Variants in ZNF257 observed in about 807,000 individuals in gnomAD.
The protein encoded by ZNF257 is zinc finger protein 257, also known as bone marrow zinc finger 4.
ZNF257 carries 12 observed loss-of-function variants against 11.9 expected under a neutral mutation model. That is an observed-to-expected ratio of 1.01 (90% CI 0.65 to 1.63). The LOEUF is 1.63. Ranked by LOEUF, ZNF257 falls within the 40% of genes most tolerant of loss-of-function variation. The pLI is 0.00. For synonymous variants in ZNF257, 183 were observed against 222.7 expected, an observed-to-expected ratio of 0.82 and a Z score of 1.59; for missense variants, 580 against 665.5, an observed-to-expected ratio of 0.87 and a Z score of 1.41.
intron 1 of ZNF257, among the ~76,000 whole-genome samples, chr19:22,057,395 G>A (rs938303605): frequency 2.6e-5 from 4 of 152,126 alleles, no homozygotes; most frequent in Non-Finnish European, 5.9e-5. Flanking sequence ...TCTTTCTGGG[G>A]AGCCGCCCCT....
At chr19:22,085,435 G>T (rs372624916) in intron 3 of ZNF257, among the ~76,000 whole-genome samples, 1 of 151,998 alleles carries the variant, frequency 6.6e-6, no homozygotes, top group Non-Finnish European at 1.5e-5. Flanking sequence ...CTATCAAAAA[G>T]ATTGTATGAG....
chr19:22,065,379 T>C (rs2021916681), intron 1 of ZNF257, among the ~76,000 whole-genome samples: 1 of 151,994 alleles, frequency 6.6e-6, no homozygotes, highest in Non-Finnish European at 1.5e-5. Flanking sequence ...TTTGTATTTT[T>C]AGTAGAGATG....
At chr19:22,072,062 A>G (rs2022116114) in intron 1 of ZNF257, among the ~76,000 whole-genome samples, 2 of 152,156 alleles carry the variant, frequency 1.3e-5, no homozygotes, top group South Asian at 2.1e-4. Context: ...ATGGTTCTTT[A>G]TGGTTGAATT....
chr19:22,087,020 C>T (rs138839264), intron 3 of ZNF257, among the ~76,000 whole-genome samples: 2,735 of 151,624 alleles, frequency 0.018, 83 homozygotes, highest in African/African-American at 0.062. Context: ...TTTTAAAATG[C>T]TTTTAATATT....
At position 22,073,705 on chromosome 19, in the gene ZNF257, T is replaced by C. The variant is rs1599667790; in HGVS notation, c.226+141T>C. On this transcript the variant is annotated intron_variant, in intron 3 of 3. Coordinates refer to ENST00000594947, the MANE Select transcript of ZNF257 (RefSeq NM_033468.4). The stretch of plus-strand genomic sequence containing the variant: ...TCTGGAAGCCTGAGTTTGCATTTTT[T>C]TTTTCTTTGCTCTCACATAGGGACA... The C allele has an allele frequency of 8.6e-6, 10 of 1,164,670 alleles. No homozygotes were observed. In the East Asian group the frequency reaches 2.2e-4, roughly 26 times the overall value. 72.1% of individuals were successfully genotyped at this position (1,164,670 alleles called of 1,614,324 possible).
chr19:22,091,460 CAAAAAAAA>C lies in ZNF257; in HGVS notation c.*2031_*2038del, dbSNP rs573828270. 4 of 93,010 alleles carry C rather than the reference CAAAAAAAA, an allele frequency of 4.3e-5. No homozygotes were observed. The highest frequency in any genetic ancestry group is 1.7e-4 in the African/African-American group (4 of 23,620). The allele number at this position is 93,010 out of a possible 1,614,324, so 5.8% of individuals were successfully genotyped here. ...AGGCAACAAGAGCAAGACTTCGTCT[CAAAAAAAA>C]AAAAAAAAAAAAGACTTGTGCATTC... On this transcript the variant is annotated 3_prime_UTR_variant, in exon 4 of 4. Transcript: ENST00000594947.
In ZNF257 at chr19:22,089,783, A is replaced by G; in HGVS notation, c.*341A>G. 3.1e-6 allele frequency: 1 copy of G among 322,492 alleles called. No individual in the cohort carries two copies. Among genetic ancestry groups the G allele is most frequent in the Non-Finnish European group, 5.8e-6 (1 of 171,800 alleles). The allele number at this position is 322,492 out of a possible 1,614,324, so 20.0% of individuals were successfully genotyped here. ...ATAATTTATACTGGACAGAAATCCTAAAGTGTGAAGAATGTCACAAAGCCC... is the reference window on the plus strand; with the variant it reads ...ATAATTTATACTGGACAGAAATCCTGAAGTGTGAAGAATGTCACAAAGCCC... On this transcript the variant is annotated 3_prime_UTR_variant, in exon 4 of 4. Coordinates refer to ENST00000594947, the MANE Select transcript of ZNF257 (RefSeq NM_033468.4).
chr19:22,067,603 G>A (rs751958161), intron 1 of ZNF257, among the ~76,000 whole-genome samples: 2 of 152,112 alleles, frequency 1.3e-5, no homozygotes, highest in South Asian at 2.1e-4. Flanking sequence ...TTGGGAGGCT[G>A]AGGCAGGTGG....
At chr19:22,066,069 T>A (rs2021936756) in intron 1 of ZNF257, 1 of 152,240 alleles carries the variant, frequency 6.6e-6, no homozygotes, top group Admixed American at 6.5e-5. Context: ...CTAATTTGAG[T>A]TTTTCTTAAG....
intron 1 of ZNF257, among the ~76,000 whole-genome samples, chr19:22,069,397 G>C (rs976194550): frequency 6.6e-6 from 1 of 151,902 alleles, no homozygotes; most frequent in Non-Finnish European, 1.5e-5. Context: ...GGTGGATCAC[G>C]AGGTCAGGAG....
intron 3 of ZNF257, among the ~76,000 whole-genome samples, chr19:22,080,866 A>G (rs2022341050): frequency 6.9e-6 from 1 of 145,836 alleles, no homozygotes; most frequent in Non-Finnish European, 1.5e-5. Flanking sequence ...TAATTATATT[A>G]TATATCTATA....
chr19:22,087,683 G>A (rs921914806), intron 3 of ZNF257: 16 of 764,336 alleles, frequency 2.1e-5, no homozygotes, highest in Non-Finnish European at 2.9e-5. Context: ...CTGAGGAGAA[G>A]GAAGTACTGT....
At chr19:22,087,556 C>T in intron 3 of ZNF257, 2 of 1,229,866 alleles carry the variant, frequency 1.6e-6, no homozygotes, top group South Asian at 4.1e-5. Flanking sequence ...GAGAATGAAA[C>T]CAGTGTCTTG....
chr19:22,054,107 C>CTT (rs1043583298), intron 1 of ZNF257, among the ~76,000 whole-genome samples: 1 of 147,996 alleles, frequency 6.8e-6, no homozygotes, highest in Non-Finnish European at 1.5e-5. Context: ...GAGTTTCACT[C>CTT]TGTCACCCAG....
At chr19:22,068,380 G>A (rs1030467005) in intron 1 of ZNF257, among the ~76,000 whole-genome samples, 1 of 152,018 alleles carries the variant, frequency 6.6e-6, no homozygotes, top group Non-Finnish European at 1.5e-5. Context: ...CTCTTTGATT[G>A]TACTCCACTT....
chr19:22,087,950 G>C (rs761669264), intron 3 of ZNF257, 27 bp from the exon 4 acceptor site: 1 of 1,459,258 alleles, frequency 6.9e-7, no homozygotes, highest in Non-Finnish European at 9.1e-7. Context: ...AGTAAGTGGA[G>C]TAATTTGTTG....
chr19:22,072,988 T>G, intron 2 of ZNF257, 53 bp downstream of exon 2: 2 of 1,439,878 alleles, frequency 1.4e-6, no homozygotes, highest in Admixed American at 2.7e-5. Context: ...GCTTTATTTT[T>G]TATTTATTTT....
chr19:22,082,345 A>T (rs1339559933), intron 3 of ZNF257, among the ~76,000 whole-genome samples: 1 of 152,022 alleles, frequency 6.6e-6, no homozygotes, highest in Non-Finnish European at 1.5e-5. Context: ...GACTCGTAGC[A>T]TTTCTTTGTT....
rs778633868 is a variant in ZNF257 at position 22,088,165 on chromosome 19, A to C, written c.415A>C (p.Thr139Pro). ...TAATGGACTTAACCAATGTCTGATA[A>C]CTACCCAGAGCAAAATGTATCAATG... Reference protein sequence around the residue: ...GYNGLNQCLITTQSKMYQCDK... With the variant: ...GYNGLNQCLIPTQSKMYQCDK... The change falls in exon 4 of 4, where the codon ACT becomes CCT. Residue 139 changes from threonine to proline, a missense_variant. By Grantham distance (38) the Thr-to-Pro change is conservative. Coordinates refer to ENST00000594947, the MANE Select transcript of ZNF257 (RefSeq NM_033468.4). 1 of 1,608,850 alleles carries C rather than the reference A, an allele frequency of 6.2e-7. No homozygotes were observed. The highest frequency in any genetic ancestry group is 1.3e-5 in the African/African-American group (1 of 74,790).
Sources: gnomAD v4.1 joint callset for allele counts (sites outside exome capture counted in the v4.1 genomes callset) on GRCh38, gnomAD v4.1.1 for gene constraint, MANE v1.5 for transcripts, NCBI Gene and HGNC (gene_info 2026-07-23, HGNC 2026-07-21) for gene names.